Variants in IL12RB2 observed in about 807,000 individuals in gnomAD.
The protein encoded by IL12RB2 is interleukin-12 receptor subunit beta-2.
Under a neutral mutation model 89.4 loss-of-function variants are expected in IL12RB2, and 82 were observed. The ratio of observed to expected loss-of-function variants is 0.92; its 90% CI spans 0.77 to 1.10. The LOEUF is 1.10. Ranked by LOEUF, IL12RB2 falls within the 50% of genes least tolerant of loss-of-function variation. IL12RB2 has a pLI of 0.00. For missense variants in IL12RB2, 963 were observed against 1,031.9 expected (o/e 0.93, Z 0.92); for synonymous variants, 368 against 370.1 (o/e 0.99, Z 0.07).
rs140732246 is a variant in IL12RB2, at chr1:67,310,326, T to C, written c.-125+2359T>C. 2.6e-4 allele frequency among the ~76,000 whole-genome samples: 40 copies of C among 152,096 alleles called. 1 individual carries two copies. In the East Asian group the frequency reaches 7.6e-3, roughly 29 times the overall value. On this transcript the variant is annotated intron_variant, in intron 1 of 16. Coordinates refer to ENST00000674203, the MANE Select transcript of IL12RB2 (RefSeq NM_001374259.2). ...TTGTTTTCCAAATAAGTATTGAACA[T>C]GTACATTATGGTCAGTGCATTTGCT...
At chr1:67,387,841 C>G (rs1665388290) in intron 15 of IL12RB2, among the ~76,000 whole-genome samples, 1 of 151,968 alleles carries the variant, frequency 6.6e-6, no homozygotes, top group African/African-American at 2.4e-5. Flanking sequence ...TAAGATATAT[C>G]AGTTAGCATT....
intron 3 of IL12RB2, 139 bp from the exon 4 acceptor site, chr1:67,321,463 A>T: frequency 1.4e-6 from 1 of 702,108 alleles, no homozygotes; most frequent in South Asian, 1.5e-5. Flanking sequence ...CACCATTATA[A>T]CCAGAGACAT....
chr1:67,329,702 GC>G lies in IL12RB2; in HGVS notation c.783del (p.Ser262ValfsTer23). ...LVLLNRLRYR[P>X]SNSRLWNMVN... ...TACTGCTTAATCGACTCAGATATCG[GC>G]CCAGTAACAGCAGGCTCTGGAATAT... On this transcript the variant is annotated frameshift_variant, in exon 7 of 17. Coordinates refer to ENST00000674203, the MANE Select transcript of IL12RB2 (RefSeq NM_001374259.2). LOFTEE classifies it high-confidence loss of function. 1 of 1,607,392 alleles carries G rather than the reference GC, an allele frequency of 6.2e-7. No individual in the cohort carries two copies. Among genetic ancestry groups the G allele is most frequent in the East Asian group, 2.2e-5 (1 of 44,830 alleles).
chr1:67,326,284 G>A (rs1394342834), intron 4 of IL12RB2, among the ~76,000 whole-genome samples: 1 of 152,180 alleles, frequency 6.6e-6, no homozygotes, highest in African/African-American at 2.4e-5. Flanking sequence ...AATGGAGCTA[G>A]CACTGGATGT....
At chr1:67,389,846 T>C (rs1384225361) in intron 15 of IL12RB2, among the ~76,000 whole-genome samples, 183 bp from the exon 16 acceptor site, 1 of 152,208 alleles carries the variant, frequency 6.6e-6, no homozygotes, top group Non-Finnish European at 1.5e-5. Flanking sequence ...CTCAAGTGGC[T>C]GTGTTGTAAT....
chr1:67,375,986 A>G (rs1479374924), intron 13 of IL12RB2, among the ~76,000 whole-genome samples: 8 of 151,508 alleles, frequency 5.3e-5, no homozygotes, highest in Admixed American at 1.3e-4. Flanking sequence ...AACTGGGACT[A>G]CAAGCACCCG....
At chr1:67,348,976 G>A (rs973185319) in intron 9 of IL12RB2, among the ~76,000 whole-genome samples, 5 of 152,146 alleles carry the variant, frequency 3.3e-5, no homozygotes, top group Admixed American at 6.5e-5. Flanking sequence ...TATGGGATGC[G>A]AAGGGGAAAA....
intron 8 of IL12RB2, 68 bp from the exon 9 acceptor site, chr1:67,338,556 T>C: frequency 2.5e-6 from 2 of 797,942 alleles, no homozygotes; most frequent in Middle Eastern, 2.2e-4. Flanking sequence ...AATTGTTTAC[T>C]GAATGACCAG....
chr1:67,375,492 T>A (rs149929006), intron 13 of IL12RB2, among the ~76,000 whole-genome samples: 154 of 152,272 alleles, frequency 1.0e-3, no homozygotes, highest in Middle Eastern at 3.4e-3. Flanking sequence ...CCAGAAATCA[T>A]TGGTGAATTC....
In IL12RB2 at chr1:67,372,625, C is replaced by A. The variant is rs1344432583; in HGVS notation, c.1559C>A (p.Ala520Glu). The A allele has an allele frequency of 6.2e-7, 1 of 1,613,356 alleles. No individual in the cohort carries two copies. Among genetic ancestry groups the A allele is most frequent in the African/African-American group, 1.3e-5 (1 of 74,880 alleles). ...AAGCCTCCTGTGCCCTACTTTACAG[C>A]ACCACTGAGTGGCCCCCACATTAAT... ...SSILGNSKHK[A>E]PLSGPHINAI... is the part of the protein sequence containing the mutation. The change falls in exon 13 of 17, where the codon GCA becomes GAA. Residue 520 changes from alanine (A) to glutamate (E), a missense_variant and splice_region_variant. Physicochemically the swap from Ala to Glu is moderately radical, Grantham distance 107. Coordinates refer to ENST00000674203, the MANE Select transcript of IL12RB2 (RefSeq NM_001374259.2).
intron 10 of IL12RB2, among the ~76,000 whole-genome samples, chr1:67,363,831 T>C (rs776914872): frequency 6.6e-6 from 1 of 152,144 alleles, no homozygotes; most frequent in Non-Finnish European, 1.5e-5. Flanking sequence ...GAAATATAAC[T>C]GATATGCTAA....
At chr1:67,372,283 T>C (rs1242986521) in intron 11 of IL12RB2, among the ~76,000 whole-genome samples, 153 bp from the exon 12 acceptor site, 1 of 152,162 alleles carries the variant, frequency 6.6e-6, no homozygotes, top group Non-Finnish European at 1.5e-5. Context: ...ATTTGTAACA[T>C]AGGTCATCAG....
intron 1 of IL12RB2, among the ~76,000 whole-genome samples, chr1:67,313,591 G>A (rs1381321491): frequency 1.3e-5 from 2 of 152,168 alleles, no homozygotes; most frequent in Non-Finnish European, 2.9e-5. Flanking sequence ...GTGGGAGGCC[G>A]AGGCAGGCAG....
chr1:67,395,644 C>T lies in IL12RB2; in HGVS notation c.2144C>T (p.Thr715Ile). 6.2e-7 allele frequency: 1 copy of T among 1,614,166 alleles called. No individual in the cohort carries two copies. The highest frequency in any genetic ancestry group is 2.2e-5 in the East Asian group (1 of 44,884). The change falls in exon 17 of 17, where the codon ACC (threonine) becomes ATC (isoleucine). Residue 715 changes from threonine to isoleucine, a missense_variant. Physicochemically the swap from Thr to Ile is moderately conservative, Grantham distance 89 (BLOSUM62 -1). Coordinates refer to ENST00000674203, the MANE Select transcript of IL12RB2 (RefSeq NM_001374259.2). The part of the protein sequence containing the change: ...LVISEVLHQV[T>I]PVFRHPPCSN... Reference sequence around the variant, plus strand: ...ATCAGTGAAGTCCTTCATCAAGTGACCCCAGTTTTCAGACATCCCCCCTGC... The same window carrying T: ...ATCAGTGAAGTCCTTCATCAAGTGATCCCAGTTTTCAGACATCCCCCCTGC...
At chr1:67,377,964 A>G (rs1388108326) in intron 13 of IL12RB2, among the ~76,000 whole-genome samples, 2 of 151,908 alleles carry the variant, frequency 1.3e-5, no homozygotes, top group Non-Finnish European at 2.9e-5. Flanking sequence ...CCATCTCTAC[A>G]AAAATACAAA....
At chr1:67,341,553 A>AAG (rs58630317) in intron 9 of IL12RB2, among the ~76,000 whole-genome samples, 50,669 of 121,656 alleles carry the variant, frequency 0.42, 12,358 homozygotes, top group Non-Finnish European at 0.56. Context: ...GAAAGAAAGA[A>AAG]AGAAAGAAAG....
chr1:67,353,823 G>A (rs1661091793), intron 10 of IL12RB2, among the ~76,000 whole-genome samples: 1 of 152,144 alleles, frequency 6.6e-6, no homozygotes, highest in African/African-American at 2.4e-5. Context: ...AAATAAATCA[G>A]AATAACTTAC....
At chr1:67,358,796 T>TA (rs1041536244) in intron 10 of IL12RB2, among the ~76,000 whole-genome samples, 1 of 152,092 alleles carries the variant, frequency 6.6e-6, no homozygotes, top group African/African-American at 2.4e-5. Flanking sequence ...CTGTAAAAGC[T>TA]AAAAAATTGG....
At chr1:67,375,847 C>CTT (rs1211630762) in intron 13 of IL12RB2, among the ~76,000 whole-genome samples, 7 of 136,040 alleles carry the variant, frequency 5.1e-5, no homozygotes, top group South Asian at 2.4e-4. Context: ...TTTTCTTTTT[C>CTT]TTTTTTTTTT....
Sources: allele counts gnomAD v4.1 joint callset (sites outside exome capture counted in the v4.1 genomes callset), GRCh38; gene constraint gnomAD v4.1.1; transcripts MANE v1.5; gene names NCBI Gene and HGNC (gene_info 2026-07-23, HGNC 2026-07-21).